ATP10A: variants seen among roughly 807,000 people sequenced by gnomAD.
ATP10A encodes the protein phospholipid-transporting ATPase VA.
Under a neutral mutation model 147.8 loss-of-function variants are expected in ATP10A, and 111 were observed. That is an observed-to-expected ratio of 0.75 (90% confidence interval 0.64 to 0.88). ATP10A has a LOEUF of 0.88. ATP10A is among the 40% of genes least tolerant of loss of function. The probability of loss-of-function intolerance (pLI) is 0.00; values close to 1 mark genes in which losing one functional copy is unlikely to be tolerated. For missense variants in ATP10A, 1,927 were observed against 1,959.0 expected (o/e 0.98, Z 0.31); for synonymous variants, 875 against 841.6 (o/e 1.04, Z -0.69).
Position 25,683,326 on chromosome 15 carries a change from A to T in ATP10A, c.3452T>A (p.Leu1151Gln). ...LDRDVPANVL[L>Q]TNPQLYKSGQ... ...ACTCTTGTAGAGCTGCGGGTTGGTCAGCAGCACATTGGCTGGCACATCCCT... is the reference window on the plus strand; with the variant it reads ...ACTCTTGTAGAGCTGCGGGTTGGTCTGCAGCACATTGGCTGGCACATCCCT... The change falls in exon 17 of 21, where the codon CTG (leucine) becomes CAG (glutamine). Residue 1151 changes from leucine to glutamine, a missense_variant. Leu to Gln is a moderately radical substitution (Grantham distance 113, BLOSUM62 -2). Coordinates refer to ENST00000555815, the MANE Select transcript of ATP10A (RefSeq NM_024490.4). 1.2e-6 allele frequency: 2 copies of T among 1,614,170 alleles called. No homozygotes were observed. Among genetic ancestry groups the T allele is most frequent in the Non-Finnish European group, 1.7e-6 (2 of 1,180,034 alleles).
At chr15:25,751,832 C>A (rs1888169405) in intron 2 of ATP10A, among the ~76,000 whole-genome samples, 1 of 151,920 alleles carries the variant, frequency 6.6e-6, no homozygotes, top group Non-Finnish European at 1.5e-5. Context: ...AACAAAAAAT[C>A]AAATTAAAGA....
At chr15:25,854,762 C>CA (rs1430753327) in intron 1 of ATP10A, among the ~76,000 whole-genome samples, 5 of 151,954 alleles carry the variant, frequency 3.3e-5, no homozygotes, top group Admixed American at 6.6e-5. Context: ...CAAAATCTTC[C>CA]AAAAAAGAAA....
chr15:25,775,433 A>G (rs573410213), intron 2 of ATP10A, among the ~76,000 whole-genome samples: 1 of 152,342 alleles, frequency 6.6e-6, no homozygotes, highest in East Asian at 1.9e-4. Context: ...GTCACAGTGT[A>G]TTCACAAAAC....
intron 1 of ATP10A, among the ~76,000 whole-genome samples, chr15:25,819,809 G>C (rs7166149): frequency 0.35 from 53,238 of 151,988 alleles, 10,750 homozygotes; most frequent in African/African-American, 0.56. Context: ...TATCTTAAGT[G>C]AAACAACTAA....
chr15:25,721,610 G>C (rs780394805), intron 7 of ATP10A, 47 bp downstream of exon 7: 1 of 1,574,614 alleles, frequency 6.4e-7, no homozygotes, highest in Non-Finnish European at 8.6e-7. Context: ...GGATAGGGCA[G>C]CTTTCTGGTT....
intron 15 of ATP10A, among the ~76,000 whole-genome samples, chr15:25,690,366 C>G (rs1199576629): frequency 6.6e-6 from 1 of 152,168 alleles, no homozygotes; most frequent in East Asian, 1.9e-4. Context: ...GCCTCAGCCC[C>G]CTAAGTAGCT....
intron 13 of ATP10A, among the ~76,000 whole-genome samples, chr15:25,698,831 T>C (rs1246873505): frequency 2.0e-5 from 3 of 152,194 alleles, no homozygotes; most frequent in Non-Finnish European, 1.5e-5. Context: ...ATAGGTTTAT[T>C]GGGACATAAC....
chr15:25,762,094 T>C (rs957447601), intron 2 of ATP10A, among the ~76,000 whole-genome samples: 1 of 152,136 alleles, frequency 6.6e-6, no homozygotes, highest in Non-Finnish European at 1.5e-5. Flanking sequence ...GACAGTGAGT[T>C]CTCATGAGAT....
intron 2 of ATP10A, among the ~76,000 whole-genome samples, chr15:25,777,127 C>G (rs751885067): frequency 8.9e-6 from 1 of 112,352 alleles, no homozygotes; most frequent in South Asian, 2.6e-4. Context: ...GTACCCGTTC[C>G]GCACTGCCCA....
intron 2 of ATP10A, among the ~76,000 whole-genome samples, chr15:25,773,900 C>T (rs1346578444): frequency 6.6e-6 from 1 of 152,094 alleles, no homozygotes; most frequent in Non-Finnish European, 1.5e-5. Flanking sequence ...GCGTCGATCT[C>T]ACATTGTCAC....
chr15:25,805,172 C>G (rs1301488922), intron 1 of ATP10A, among the ~76,000 whole-genome samples: 1 of 152,262 alleles, frequency 6.6e-6, no homozygotes, highest in Admixed American at 6.5e-5. Flanking sequence ...AGAAGCTGCA[C>G]CCAGTGATCC....
chr15:25,739,646 C>T (rs1345650286), intron 2 of ATP10A, among the ~76,000 whole-genome samples: 1 of 152,202 alleles, frequency 6.6e-6, no homozygotes, highest in African/African-American at 2.4e-5. Flanking sequence ...AGCTGAAGCA[C>T]TGCCCTCTGC....
rs748580451 is a variant in ATP10A, at chr15:25,862,808, G to A, written c.289C>T (p.Leu97Phe). ...GCGTTCACCGCCGGCACGAAGTTGA[G>A]CAGCGCGATGAAGACAAAGTACACG... ...ANVYFVFIAL[L>F]NFVPAVNAFQ... is the part of the protein sequence containing the mutation. The change falls in exon 1 of 21, where the codon CTC becomes TTC. Residue 97 changes from leucine to phenylalanine, a missense_variant. Leu to Phe is a conservative substitution (Grantham distance 22). Transcript: ENST00000555815. 8.5e-5 allele frequency: 137 copies of A among 1,610,214 alleles called. No homozygotes were observed. The highest frequency in any genetic ancestry group is 1.1e-4 in the Non-Finnish European group (126 of 1,178,316).
chr15:25,863,034 C>T lies in ATP10A; in HGVS notation c.63G>A (p.Glu21=), dbSNP rs935590476. The T allele has an allele frequency of 6.3e-6, 8 of 1,277,466 alleles. No homozygotes were observed. The African/African-American group carries it at 9.3e-5, about 15-fold the overall frequency. 79.1% of individuals were successfully genotyped at this position (1,277,466 alleles called of 1,614,324 possible). A position where few individuals can be genotyped will look rare whatever the true frequency, so the allele number is the denominator to read the frequency against. ...TGGAGCGCACCGTGCGCGTCCTGCC[C>T]TCTCGGCGCCTCCGCCGTCCCGGAG... ...PGPPGRRRRR[E]GRTRTVRSNL... Residue 21 remains glutamate (E), a synonymous_variant, in exon 1 of 21, where the codon GAG becomes GAA. Coordinates refer to ENST00000555815, the MANE Select transcript of ATP10A (RefSeq NM_024490.4).
chr15:25,727,570 C>A (rs1298113530), intron 3 of ATP10A, among the ~76,000 whole-genome samples: 2 of 152,178 alleles, frequency 1.3e-5, no homozygotes, highest in African/African-American at 4.8e-5. Context: ...CTAGGAAGGG[C>A]AAACTCCCAA....
At chr15:25,785,504 A>G (rs1890117309) in intron 1 of ATP10A, among the ~76,000 whole-genome samples, 1 of 152,128 alleles carries the variant, frequency 6.6e-6, no homozygotes, top group South Asian at 2.1e-4. Context: ...TGACGAATAC[A>G]CTTAATAACG....
chr15:25,788,635 A>G (rs931142699), intron 1 of ATP10A, among the ~76,000 whole-genome samples: 1 of 152,242 alleles, frequency 6.6e-6, no homozygotes, highest in East Asian at 1.9e-4. Flanking sequence ...GAAATAGTAC[A>G]AATGAGCAGC....
intron 2 of ATP10A, among the ~76,000 whole-genome samples, chr15:25,771,258 A>C (rs1167547242): frequency 2.6e-5 from 4 of 152,054 alleles, no homozygotes; most frequent in Non-Finnish European, 5.9e-5. Context: ...GGCCACCCAT[A>C]AACAAGGACA....
intron 10 of ATP10A, chr15:25,710,626 T>C (rs1901350726): frequency 6.6e-6 from 1 of 152,216 alleles, no homozygotes; most frequent in South Asian, 2.1e-4. Context: ...ACAAGCGATA[T>C]TTCCCCAATA....
Sources: gnomAD v4.1 joint callset for allele counts (sites outside exome capture counted in the v4.1 genomes callset) on GRCh38, gnomAD v4.1.1 for gene constraint, MANE v1.5 for transcripts, NCBI Gene and HGNC (gene_info 2026-07-23, HGNC 2026-07-21) for gene names.